Variants in SPOCK1 observed in about 807,000 individuals in gnomAD.
SPOCK1 encodes testican-1.
SPOCK1 carries 23 observed loss-of-function variants against 55.3 expected under a neutral mutation model. The ratio of observed to expected loss-of-function variants is 0.42; its 90% CI spans 0.30 to 0.59. The LOEUF is 0.59. Among genes scored for constraint, SPOCK1 ranks in the 20% least tolerant of loss-of-function variants. SPOCK1 has a pLI of 0.22. For synonymous variants in SPOCK1, 226 were observed against 221.0 expected (o/e 1.02, Z -0.20); for missense variants, 499 against 552.5 (o/e 0.90, Z 0.97).
chr5:137,037,739 G>A (rs372302328), intron 6 of SPOCK1, among the ~76,000 whole-genome samples: 15 of 152,234 alleles, frequency 9.9e-5, no homozygotes, highest in African/African-American at 1.2e-4. Flanking sequence ...ACATAAATAC[G>A]CGTTGGGAAT....
intron 2 of SPOCK1, among the ~76,000 whole-genome samples, chr5:137,366,780 G>A (rs1204732130): frequency 1.3e-5 from 2 of 152,230 alleles, no homozygotes; most frequent in Non-Finnish European, 2.9e-5. Context: ...CACCGGCCTT[G>A]TGAAAGTCAG....
chr5:137,212,615 A>G (rs1755638113), intron 3 of SPOCK1, among the ~76,000 whole-genome samples: 1 of 152,212 alleles, frequency 6.6e-6, no homozygotes, highest in Admixed American at 6.5e-5. Context: ...TAACAATCTT[A>G]TCTTGGTCAG....
chr5:137,413,322 T>C (rs1277516451), intron 2 of SPOCK1, among the ~76,000 whole-genome samples: 1 of 152,200 alleles, frequency 6.6e-6, no homozygotes, highest in Non-Finnish European at 1.5e-5. Flanking sequence ...CTTTCACTGA[T>C]GACAAGCAAA....
At chr5:137,320,724 A>C (rs1206359406) in intron 2 of SPOCK1, among the ~76,000 whole-genome samples, 1 of 152,210 alleles carries the variant, frequency 6.6e-6, no homozygotes, top group African/African-American at 2.4e-5. Flanking sequence ...TCTCCCCAAA[A>C]GGTTAAGAGA....
chr5:137,315,900 G>C (rs775190566), intron 2 of SPOCK1, among the ~76,000 whole-genome samples: 53 of 152,182 alleles, frequency 3.5e-4, no homozygotes, highest in Non-Finnish European at 6.9e-4. Flanking sequence ...TGGGGGCAGG[G>C]TGCTGGAGAG....
intron 2 of SPOCK1, among the ~76,000 whole-genome samples, chr5:137,284,369 A>G (rs1757225915): frequency 6.6e-6 from 1 of 152,204 alleles, no homozygotes; most frequent in Non-Finnish European, 1.5e-5. Context: ...TGCTACATGG[A>G]GAAATTATGA....
At chr5:137,308,878 A>G (rs1438839750) in intron 2 of SPOCK1, among the ~76,000 whole-genome samples, 1 of 152,208 alleles carries the variant, frequency 6.6e-6, no homozygotes, top group Non-Finnish European at 1.5e-5. Flanking sequence ...TATGGTGAAG[A>G]GAACCAGAAG....
rs186280122 is a variant in SPOCK1 at position 137,436,403 on chromosome 5, A to T, written c.186+61970T>A. ...ATTAAATAATTCATCCTTTCCCTCC[A>T]TCATGTACTAAACCCTCTTTCACAT... is the stretch of plus-strand genomic sequence containing the variant. On this transcript the variant is annotated intron_variant, in intron 2 of 10. Coordinates refer to ENST00000394945, the MANE Select transcript of SPOCK1 (RefSeq NM_004598.4). Among the ~76,000 whole-genome samples the T allele has an allele frequency of 3.9e-5, 6 of 152,262 alleles. No homozygotes were observed. In the East Asian group the frequency reaches 9.7e-4, roughly 24 times the overall value.
chr5:137,390,781 G>C (rs1751702491), intron 2 of SPOCK1, among the ~76,000 whole-genome samples: 1 of 152,212 alleles, frequency 6.6e-6, no homozygotes, highest in African/African-American at 2.4e-5. Flanking sequence ...GAGGAGTTCA[G>C]GAAAGAAGCC....
At chr5:137,116,230 G>A (rs1290375273) in intron 4 of SPOCK1, among the ~76,000 whole-genome samples, 2 of 152,152 alleles carry the variant, frequency 1.3e-5, no homozygotes, top group African/African-American at 2.4e-5. Context: ...ATTCCTTTTT[G>A]TTCAACTGTA....
intron 2 of SPOCK1, among the ~76,000 whole-genome samples, chr5:137,333,596 C>A (rs1452720073): frequency 6.6e-6 from 1 of 152,190 alleles, no homozygotes; most frequent in Non-Finnish European, 1.5e-5. Context: ...GATCTCAAGG[C>A]ACAAGTGAGA....
chr5:136,979,539 A>G, intron 9 of SPOCK1, 70 bp from the exon 10 acceptor site: 1 of 1,560,914 alleles, frequency 6.4e-7, no homozygotes, highest in Non-Finnish European at 8.7e-7. Context: ...GCCCGTCAAC[A>G]CAGGGAAGAG....
At chr5:137,396,553 C>T (rs12719499) in intron 2 of SPOCK1, among the ~76,000 whole-genome samples, 34,013 of 152,108 alleles carry the variant, frequency 0.22, 5,267 homozygotes, top group African/African-American at 0.43. Context: ...AGGTATGAGA[C>T]TGGAGACGCC....
At chr5:137,488,650 G>A (rs1164981651) in intron 2 of SPOCK1, among the ~76,000 whole-genome samples, 1 of 152,170 alleles carries the variant, frequency 6.6e-6, no homozygotes, top group Non-Finnish European at 1.5e-5. Flanking sequence ...GAGTACAGCT[G>A]AAATAAAAAG....
intron 4 of SPOCK1, among the ~76,000 whole-genome samples, chr5:137,127,365 CAA>C (rs1753798700): frequency 6.6e-6 from 1 of 152,228 alleles, no homozygotes; most frequent in Non-Finnish European, 1.5e-5. Context: ...GATTCCAGCC[CAA>C]GAGAGCTATG....
intron 2 of SPOCK1, among the ~76,000 whole-genome samples, chr5:137,393,246 C>T (rs1325030899): frequency 6.6e-6 from 1 of 152,154 alleles, no homozygotes; most frequent in African/African-American, 2.4e-5. Context: ...TACACTCTGC[C>T]ATTGAGCCCA....
intron 2 of SPOCK1, among the ~76,000 whole-genome samples, chr5:137,333,943 T>A (rs1750175148): frequency 6.6e-6 from 1 of 152,174 alleles, no homozygotes; most frequent in Non-Finnish European, 1.5e-5. Flanking sequence ...GGAGGCTATA[T>A]AAACATCATG....
intron 2 of SPOCK1, among the ~76,000 whole-genome samples, chr5:137,297,239 C>T (rs1222077646): frequency 6.6e-6 from 1 of 151,984 alleles, no homozygotes; most frequent in Non-Finnish European, 1.5e-5. Context: ...TACTTATCTC[C>T]CTTTAATTAA....
intron 2 of SPOCK1, among the ~76,000 whole-genome samples, chr5:137,474,416 G>A (rs112803819): frequency 3.3e-5 from 5 of 152,158 alleles, no homozygotes; most frequent in East Asian, 1.9e-4. Context: ...TAATGGTATG[G>A]TGTTTGATTT....
Sources: gnomAD v4.1 joint callset for allele counts (sites outside exome capture counted in the v4.1 genomes callset) on GRCh38, gnomAD v4.1.1 for gene constraint, MANE v1.5 for transcripts, NCBI Gene and HGNC (gene_info 2026-07-23, HGNC 2026-07-21) for gene names.